SDHB: variants seen among roughly 807,000 people sequenced by gnomAD.
SDHB encodes the protein succinate dehydrogenase complex iron sulfur subunit B.
SDHB carries 21 observed loss-of-function variants against 39.7 expected under a neutral mutation model. The ratio of observed to expected loss-of-function variants is 0.53; its 90% CI spans 0.37 to 0.76. The LOEUF is 0.76. Among genes scored for constraint, SDHB ranks in the 30% least tolerant of loss-of-function variants. The probability of loss-of-function intolerance (pLI) is 0.00; values close to 1 mark genes in which losing one functional copy is unlikely to be tolerated. For synonymous variants in SDHB, 118 were observed against 117.0 expected (o/e 1.01, Z -0.06); for missense variants, 343 against 350.9 (o/e 0.98, Z 0.18).
At chr1:17,029,016 T>TCC (rs2101523914) in intron 3 of SDHB, among the ~76,000 whole-genome samples, 1 of 148,980 alleles carries the variant, frequency 6.7e-6, no homozygotes, top group East Asian at 2.1e-4. Context: ...GCCAGAGGCC[T>TCC]GGGCGCTGCT....
intron 7 of SDHB, among the ~76,000 whole-genome samples, chr1:17,021,590 C>T (rs1049524188): frequency 2.0e-5 from 3 of 152,002 alleles, no homozygotes; most frequent in Non-Finnish European, 4.4e-5. Flanking sequence ...ACTAAAAATA[C>T]AAAATTAGCC....
At chr1:17,027,104 C>G (rs991535855) in intron 5 of SDHB, among the ~76,000 whole-genome samples, 7 of 152,186 alleles carry the variant, frequency 4.6e-5, no homozygotes, top group African/African-American at 7.2e-5. Flanking sequence ...TCCTACCTCA[C>G]GTCCACAAGT....
chr1:17,024,282 T>A (rs2077980290), intron 5 of SDHB, among the ~76,000 whole-genome samples: 1 of 151,994 alleles, frequency 6.6e-6, no homozygotes, highest in South Asian at 2.1e-4. Flanking sequence ...CTGCCCAGGG[T>A]TCTTAAATCC....
intron 6 of SDHB, 67 bp from the exon 7 acceptor site, chr1:17,022,797 C>CA: frequency 4.5e-6 from 7 of 1,570,552 alleles, no homozygotes; most frequent in Non-Finnish European, 4.3e-6. Flanking sequence ...TGGCTCAACT[C>CA]AAAGCTCTGG....
chr1:17,019,456 T>C (rs2077948987), intron 7 of SDHB, among the ~76,000 whole-genome samples: 1 of 152,194 alleles, frequency 6.6e-6, no homozygotes, highest in Non-Finnish European at 1.5e-5. Flanking sequence ...CCAATACCAT[T>C]GGTATTAGCT....
chr1:17,042,102 A>G (rs2078083588), intron 2 of SDHB, among the ~76,000 whole-genome samples: 1 of 151,962 alleles, frequency 6.6e-6, no homozygotes, highest in Non-Finnish European at 1.5e-5. Context: ...TTATATTTTT[A>G]GTAGAGATGG....
intron 2 of SDHB, among the ~76,000 whole-genome samples, chr1:17,034,378 G>T (rs916240466): frequency 6.6e-6 from 1 of 151,574 alleles, no homozygotes; most frequent in Admixed American, 6.6e-5. Context: ...CTAACTCCTG[G>T]ACTCAAGTGA....
At chr1:17,027,084 T>G (rs1399385362) in intron 5 of SDHB, among the ~76,000 whole-genome samples, 1 of 152,144 alleles carries the variant, frequency 6.6e-6, no homozygotes, top group Non-Finnish European at 1.5e-5. Flanking sequence ...CTGTCTCCAT[T>G]TGGTCCCCTT....
chr1:17,036,234 A>T (rs1468499861), intron 2 of SDHB, among the ~76,000 whole-genome samples: 1 of 152,166 alleles, frequency 6.6e-6, no homozygotes, highest in African/African-American at 2.4e-5. Context: ...CAAACAGGGC[A>T]TGTCTTTCCA....
At chr1:17,038,781 T>C (rs1459584953) in intron 2 of SDHB, among the ~76,000 whole-genome samples, 1 of 152,254 alleles carries the variant, frequency 6.6e-6, no homozygotes, top group African/African-American at 2.4e-5. Flanking sequence ...TTCCTTTTAA[T>C]TCAAATTCCT....
chr1:17,053,298 A>G (rs137979549), intron 1 of SDHB, among the ~76,000 whole-genome samples: 223 of 152,282 alleles, frequency 1.5e-3, no homozygotes, highest in African/African-American at 5.2e-3. Context: ...GTATTATTAT[A>G]TGACCTTTAG....
intron 4 of SDHB, 99 bp from the exon 5 acceptor site, chr1:17,027,964 C>T (rs1162428690): frequency 1.6e-5 from 12 of 740,044 alleles, no homozygotes; most frequent in Admixed American, 5.9e-5. Flanking sequence ...ACTGACTACT[C>T]GTCCACTCTA....
chr1:17,044,664 A>T, intron 2 of SDHB, 97 bp downstream of exon 2: 1 of 1,388,828 alleles, frequency 7.2e-7, no homozygotes, highest in Non-Finnish European at 1.0e-6. Context: ...CCATCGGATG[A>T]TCTCAGATTT....
At chr1:17,045,483 G>A (rs2078104240) in intron 1 of SDHB, among the ~76,000 whole-genome samples, 1 of 152,016 alleles carries the variant, frequency 6.6e-6, no homozygotes, top group South Asian at 2.1e-4. Context: ...GTGTCGTAGT[G>A]TGCGTCTCAG....
intron 2 of SDHB, among the ~76,000 whole-genome samples, chr1:17,043,476 G>A (rs780780131): frequency 1.3e-5 from 2 of 152,284 alleles, no homozygotes; most frequent in East Asian, 1.9e-4. Flanking sequence ...TAGAGTATTC[G>A]TGGTATTCAA....
chr1:17,046,921 T>C (rs1168302393), intron 1 of SDHB, among the ~76,000 whole-genome samples: 3 of 152,192 alleles, frequency 2.0e-5, no homozygotes, highest in Admixed American at 2.0e-4. Context: ...TTGTCTATGT[T>C]GGTCAGGGTA....
rs190139590 is a variant in SDHB, at chr1:17,028,580, A to T, written c.423+20T>A. 5,144 of 1,613,868 alleles carry T rather than the reference A, an allele frequency of 3.2e-3. 30 individuals carry two copies. The highest frequency in any genetic ancestry group is 9.9e-3 in the South Asian group (900 of 91,076). ...CCCCCATGCAAATAAAAACAAAACC[A>T]GAGAGATGCAGAAACTCACGGGAAC... is the stretch of plus-strand genomic sequence containing the variant. On this transcript the variant is annotated intron_variant, in intron 4 of 7. Transcript: ENST00000375499.
At chr1:17,022,110 A>G (rs1365874269) in intron 7 of SDHB, among the ~76,000 whole-genome samples, 1 of 152,208 alleles carries the variant, frequency 6.6e-6, no homozygotes, top group Non-Finnish European at 1.5e-5. Flanking sequence ...TCCAGGCCAG[A>G]GTGAGCCAAA....
At chr1:17,033,007 G>C in intron 3 of SDHB, 53 bp downstream of exon 3, 1 of 1,413,028 alleles carries the variant, frequency 7.1e-7, no homozygotes, top group Non-Finnish European at 1.0e-6. Flanking sequence ...GCCAGCCCAA[G>C]CCTCTTTGGA....
Sources: allele counts gnomAD v4.1 joint callset (sites outside exome capture counted in the v4.1 genomes callset), GRCh38; gene constraint gnomAD v4.1.1; transcripts MANE v1.5; gene names NCBI Gene and HGNC (gene_info 2026-07-23, HGNC 2026-07-21).